Variants in SLC49A4 observed in about 807,000 individuals in gnomAD.
The protein encoded by SLC49A4 is solute carrier family 49 member 4.
In SLC49A4, 36 loss-of-function variants were observed where a neutral mutation model predicts 50.6. The observed-to-expected ratio is 0.71, with a 90% CI of 0.55 to 0.94. The LOEUF is 0.94. Ranked by LOEUF, SLC49A4 falls within the 40% of genes least tolerant of loss-of-function variation. The pLI, the probability that SLC49A4 is intolerant of heterozygous loss-of-function variation, is 0.00. For synonymous variants in SLC49A4, 248 were observed against 241.2 expected (o/e 1.03, Z -0.26); for missense variants, 503 against 605.7 (o/e 0.83, Z 1.78).
chr3:122,872,377 G>A (rs753520371), intron 7 of SLC49A4, 38 bp from the exon 8 acceptor site: 16 of 1,536,094 alleles, frequency 1.0e-5, no homozygotes, highest in East Asian at 2.3e-5. Context: ...ACTCACTGCC[G>A]CTAGTGTGAA....
At chr3:122,859,288 A>T (rs1373023949) in intron 6 of SLC49A4, among the ~76,000 whole-genome samples, 1 of 152,174 alleles carries the variant, frequency 6.6e-6, no homozygotes, top group Non-Finnish European at 1.5e-5. Context: ...CAACCATGGC[A>T]TGTATGAGAA....
At chr3:122,840,822 ATAAT>A (rs1560218850) in intron 4 of SLC49A4, among the ~76,000 whole-genome samples, 1 of 152,224 alleles carries the variant, frequency 6.6e-6, no homozygotes, top group Non-Finnish European at 1.5e-5. Flanking sequence ...TTAAAAATAA[ATAAT>A]TAGTTTCTGA....
intron 2 of SLC49A4, among the ~76,000 whole-genome samples, chr3:122,822,845 T>C (rs1936472467): frequency 6.6e-6 from 1 of 152,250 alleles, no homozygotes; most frequent in South Asian, 2.1e-4. Flanking sequence ...TCTTAGCTTC[T>C]GGCCTATATT....
rs1937282541 is a variant in SLC49A4 at position 122,877,648 on chromosome 3, T to C, written c.1322-1615T>C. ...CAATTACCATACTTTTTTTTATCTG[T>C]TGCTTAAAACTTGACCCTGAAGTCC... On this transcript the variant is annotated intron_variant, in intron 8 of 8. Transcript: ENST00000261038. Among the ~76,000 whole-genome samples, 3 of 152,220 alleles carry C rather than the reference T, an allele frequency of 2.0e-5. No homozygotes were observed. In the South Asian group the frequency reaches 6.2e-4, roughly 31 times the overall value.
intron 2 of SLC49A4, among the ~76,000 whole-genome samples, chr3:122,808,099 A>T (rs1010411152): frequency 6.6e-6 from 1 of 151,848 alleles, no homozygotes. Context: ...CTATGTGCCA[A>T]CCTCTTTGTG....
chr3:122,799,094 A>G lies in SLC49A4; in HGVS notation c.343+3559A>G, dbSNP rs566503030. On this transcript the variant is annotated intron_variant, in intron 1 of 8. Transcript: ENST00000261038. ...TGTGCCCTCGAAGCTAACTAAAGGA[A>G]GTTTCAAGGAGATAGCAACCCAGTG... Among the ~76,000 whole-genome samples the G allele has an allele frequency of 6.6e-5, 10 of 152,266 alleles. No individual in the cohort carries two copies. In the East Asian group the frequency reaches 1.9e-3, roughly 29 times the overall value.
chr3:122,801,320 G>A (rs1936124918), intron 1 of SLC49A4, among the ~76,000 whole-genome samples: 1 of 152,200 alleles, frequency 6.6e-6, no homozygotes, highest in Non-Finnish European at 1.5e-5. Flanking sequence ...ACTTGAAATT[G>A]AGATTATGGC....
At chr3:122,855,145 A>G (rs1936970547) in intron 5 of SLC49A4, among the ~76,000 whole-genome samples, 1 of 152,102 alleles carries the variant, frequency 6.6e-6, no homozygotes, top group Non-Finnish European at 1.5e-5. Context: ...AAAAACAACA[A>G]AAGGTAGAAG....
At chr3:122,807,355 T>C (rs1280190243) in intron 2 of SLC49A4, among the ~76,000 whole-genome samples, 1 of 152,036 alleles carries the variant, frequency 6.6e-6, no homozygotes, top group Non-Finnish European at 1.5e-5. Flanking sequence ...AGGCATTGAA[T>C]GATGAGTAGA....
Position 122,795,275 on chromosome 3 carries a change from G to A in SLC49A4, c.83G>A (p.Arg28Lys), listed in dbSNP as rs1935999149. ...GGGCCTGGGCTGGGGGCCTCCTGGA[G>A]AAGCCGGGAGGCGGCGGCGGCGGCG... ...GLGPGLGASW[R>K]SREAAAAALP... Residue 28 changes from arginine to lysine, a missense_variant, in exon 1 of 9, where the codon AGA (arginine) becomes AAA (lysine). Transcript: ENST00000261038. The A allele has an allele frequency of 7.1e-7, 1 of 1,406,984 alleles. No individual in the cohort carries two copies. Among genetic ancestry groups the A allele is most frequent in the African/African-American group, 1.5e-5 (1 of 65,574 alleles). The allele number at this position is 1,406,984 out of a possible 1,614,324, so 87.2% of individuals were successfully genotyped here.
chr3:122,869,869 G>A lies in SLC49A4; in HGVS notation c.1139-2546G>A, dbSNP rs564032858. Among the ~76,000 whole-genome samples the A allele has an allele frequency of 3.2e-4, 48 of 152,158 alleles. 1 individual carries two copies. The highest frequency in any genetic ancestry group is 4.4e-4 in the Non-Finnish European group (30 of 68,004). Reference sequence around the variant, plus strand: ...TTTTCAGACAGCCCGCTGCTTCCCCGTCAGATGTATCAGAAGAGACTGGAC... The same window carrying A: ...TTTTCAGACAGCCCGCTGCTTCCCCATCAGATGTATCAGAAGAGACTGGAC... On this transcript the variant is annotated intron_variant, in intron 7 of 8. Coordinates refer to ENST00000261038, the MANE Select transcript of SLC49A4 (RefSeq NM_032839.3).
At chr3:122,855,894 T>C (rs1157425734) in intron 5 of SLC49A4, among the ~76,000 whole-genome samples, 2 of 152,230 alleles carry the variant, frequency 1.3e-5, no homozygotes, top group Non-Finnish European at 2.9e-5. Context: ...ACTCTCTTGC[T>C]CAGCCCCACA....
At chr3:122,801,154 T>C (rs1936122053) in intron 1 of SLC49A4, among the ~76,000 whole-genome samples, 1 of 152,136 alleles carries the variant, frequency 6.6e-6, no homozygotes, top group African/African-American at 2.4e-5. Context: ...CAGTGGACCA[T>C]GGAATCTAAG....
chr3:122,813,744 A>G (rs186667125), intron 2 of SLC49A4, among the ~76,000 whole-genome samples: 1 of 152,234 alleles, frequency 6.6e-6, no homozygotes, highest in African/African-American at 2.4e-5. Context: ...TGCTAGAGGC[A>G]GATGTTGATA....
chr3:122,833,466 CT>C lies in SLC49A4; in HGVS notation c.833+21del. On this transcript the variant is annotated intron_variant, in intron 4 of 8. Coordinates refer to ENST00000261038, the MANE Select transcript of SLC49A4 (RefSeq NM_032839.3). ...ATTAAGGTAAATATACTGAGAGTCA[CT>C]GGATGGCTTTGACTGACACCTTCAA... The C allele has an allele frequency of 6.2e-7, 1 of 1,604,822 alleles. No individual in the cohort carries two copies. The highest frequency in any genetic ancestry group is 8.5e-7 in the Non-Finnish European group (1 of 1,174,220).
chr3:122,871,846 T>A (rs1453631342), intron 7 of SLC49A4, among the ~76,000 whole-genome samples: 1 of 152,164 alleles, frequency 6.6e-6, no homozygotes, highest in Non-Finnish European at 1.5e-5. Context: ...TGTACATTTC[T>A]GGATGAAGTC....
chr3:122,866,748 C>G (rs757062013), intron 7 of SLC49A4, among the ~76,000 whole-genome samples: 5 of 151,968 alleles, frequency 3.3e-5, no homozygotes, highest in Non-Finnish European at 5.9e-5. Flanking sequence ...CATTCCTCAT[C>G]GGATGTGGAT....
chr3:122,795,391 C>A lies in SLC49A4; in HGVS notation c.199C>A (p.Leu67Met). 1 of 1,606,030 alleles carries A rather than the reference C, an allele frequency of 6.2e-7. No homozygotes were observed. The highest frequency in any genetic ancestry group is 2.2e-5 in the East Asian group (1 of 44,570). Reference protein sequence around the residue: ...LFSLLAFVQGLVWNTWGPIQN... With the variant: ...LFSLLAFVQGMVWNTWGPIQN... Reference sequence around the variant, plus strand: ...CTCGCTGCTGGCGTTCGTTCAGGGCCTGGTCTGGAACACCTGGGGTCCCAT... The same window carrying A: ...CTCGCTGCTGGCGTTCGTTCAGGGCATGGTCTGGAACACCTGGGGTCCCAT... Residue 67 changes from leucine (L) to methionine (M), a missense_variant, in exon 1 of 9, where the codon CTG becomes ATG. Coordinates refer to ENST00000261038, the MANE Select transcript of SLC49A4 (RefSeq NM_032839.3).
Position 122,795,498 on chromosome 3 carries a change from G to T in SLC49A4, c.306G>T (p.Leu102=), listed in dbSNP as rs1163240859. Residue 102 remains leucine, a synonymous_variant, in exon 1 of 9, where the codon CTG becomes CTT. Transcript: ENST00000261038. The part of the protein sequence containing the change: ...LLVLWGPIGF[L]PCFAFMWLLD... ...TGCTGTGGGGGCCCATCGGCTTCCT[G>T]CCCTGCTTCGCGTTCATGTGGCTCC... 2 of 1,602,566 alleles carry T rather than the reference G, an allele frequency of 1.2e-6. No homozygotes were observed. Among genetic ancestry groups the T allele is most frequent in the Middle Eastern group, 2.1e-4 (1 of 4,774 alleles).
Sources: gnomAD v4.1 joint callset for allele counts (sites outside exome capture counted in the v4.1 genomes callset) on GRCh38, gnomAD v4.1.1 for gene constraint, MANE v1.5 for transcripts, NCBI Gene and HGNC (gene_info 2026-07-23, HGNC 2026-07-21) for gene names.